TAFA2: variants seen among roughly 807,000 people sequenced by gnomAD.
The protein encoded by TAFA2 is chemokine-like protein TAFA-2.
In TAFA2, 7 loss-of-function variants were observed where a neutral mutation model predicts 18.8. The ratio of observed to expected loss-of-function variants is 0.37; its 90% confidence interval spans 0.21 to 0.70. The LOEUF (loss-of-function observed/expected upper bound fraction) is 0.70. Ranked by LOEUF, TAFA2 falls within the 30% of genes least tolerant of loss-of-function variation. The probability of loss-of-function intolerance (pLI) is 0.53; values close to 1 mark genes in which losing one functional copy is unlikely to be tolerated. For missense variants in TAFA2, 122 were observed against 158.1 expected (o/e 0.77, Z 1.23); for synonymous variants, 60 against 54.2 (o/e 1.11, Z -0.47).
At chr12:61,990,642 A>C (rs1305490896) in intron 1 of TAFA2, among the ~76,000 whole-genome samples, 1 of 151,920 alleles carries the variant, frequency 6.6e-6, no homozygotes, top group Non-Finnish European at 1.5e-5. Context: ...CCACTGTGCC[A>C]ATTTTTGTTA....
At chr12:62,226,438 C>T (rs1474707593) in intron 1 of TAFA2, among the ~76,000 whole-genome samples, 1 of 152,150 alleles carries the variant, frequency 6.6e-6, no homozygotes, top group East Asian at 1.9e-4. Flanking sequence ...ACCTCACGAT[C>T]CACCCTCCTC....
At chr12:62,037,592 T>C (rs1271622047) in intron 1 of TAFA2, among the ~76,000 whole-genome samples, 1 of 152,182 alleles carries the variant, frequency 6.6e-6, no homozygotes, top group Admixed American at 6.5e-5. Flanking sequence ...CAAATACATA[T>C]GCCCACGACC....
In TAFA2 at chr12:61,711,439, T is replaced by C. The variant is rs368647515; in HGVS notation, c.385-1022A>G. On this transcript the variant is annotated intron_variant, in intron 4 of 4. Transcript: ENST00000416284. ...TTAGAGAGTTACCTAACAGTTCTTT[T>C]CTAGGAATGGCTAAAACAAAAAGTG... Among the ~76,000 whole-genome samples the C allele has an allele frequency of 1.1e-4, 16 of 152,206 alleles. No individual in the cohort carries two copies. In the South Asian group the frequency reaches 3.1e-3, roughly 30 times the overall value.
chr12:61,864,602 T>G (rs1215577305), intron 2 of TAFA2, among the ~76,000 whole-genome samples: 10 of 151,074 alleles, frequency 6.6e-5, no homozygotes, highest in Non-Finnish European at 1.5e-4. Flanking sequence ...TGAAACCCCG[T>G]CTCTACTAAA....
intron 2 of TAFA2, among the ~76,000 whole-genome samples, chr12:61,780,403 T>C (rs1412339580): frequency 6.6e-6 from 1 of 151,810 alleles, no homozygotes; most frequent in African/African-American, 2.4e-5. Context: ...CCCCTCTGCC[T>C]GGCTTAACTT....
chr12:61,934,362 G>A (rs1182570596), intron 1 of TAFA2, among the ~76,000 whole-genome samples: 2 of 152,086 alleles, frequency 1.3e-5, no homozygotes, highest in Non-Finnish European at 2.9e-5. Flanking sequence ...AATTCCAGAA[G>A]AACTCAGAAA....
chr12:62,062,648 T>A (rs559852240), intron 1 of TAFA2, among the ~76,000 whole-genome samples: 12 of 152,220 alleles, frequency 7.9e-5, no homozygotes, highest in Non-Finnish European at 1.6e-4. Flanking sequence ...TAAAACAACA[T>A]AAACTTATTA....
chr12:61,760,482 T>C (rs1869495647), intron 2 of TAFA2, among the ~76,000 whole-genome samples: 1 of 151,166 alleles, frequency 6.6e-6, no homozygotes, highest in Non-Finnish European at 1.5e-5. Context: ...TTTAGTTTTC[T>C]TATTTGTCTG....
chr12:62,186,869 T>C (rs1439990341), intron 1 of TAFA2, among the ~76,000 whole-genome samples: 1 of 152,174 alleles, frequency 6.6e-6, no homozygotes, highest in Non-Finnish European at 1.5e-5. Context: ...CCTTATGTTT[T>C]CCAATGGCAA....
chr12:62,116,658 A>G (rs1041916789), intron 1 of TAFA2, among the ~76,000 whole-genome samples: 1 of 148,338 alleles, frequency 6.7e-6, no homozygotes, highest in African/African-American at 2.6e-5. Context: ...TGTGATGTAC[A>G]GACTGTAGGC....
intron 1 of TAFA2, among the ~76,000 whole-genome samples, chr12:61,921,370 T>C (rs1592487666): frequency 6.6e-6 from 1 of 152,096 alleles, no homozygotes; most frequent in African/African-American, 2.4e-5. Flanking sequence ...TAAGGTGAGG[T>C]AGAGCAAGAA....
chr12:62,187,339 C>T (rs927489952), intron 1 of TAFA2, among the ~76,000 whole-genome samples: 2 of 152,174 alleles, frequency 1.3e-5, no homozygotes, highest in South Asian at 2.1e-4. Context: ...TTATAAATGA[C>T]GTTGTCACAC....
intron 2 of TAFA2, among the ~76,000 whole-genome samples, chr12:61,791,168 C>T (rs1383988616): frequency 1.3e-5 from 2 of 151,790 alleles, no homozygotes; most frequent in Non-Finnish European, 2.9e-5. Context: ...GAGAATGAAA[C>T]TGGACATGTA....
intron 1 of TAFA2, among the ~76,000 whole-genome samples, chr12:62,013,619 C>T (rs970254569): frequency 2.6e-5 from 4 of 152,170 alleles, no homozygotes; most frequent in Admixed American, 1.3e-4. Context: ...TCTAATACCA[C>T]AGTGTGAGTA....
In TAFA2 at chr12:61,923,162, G is replaced by A. The variant is rs7136975; in HGVS notation, c.-1-55736C>T. On this transcript the variant is annotated intron_variant, in intron 1 of 4. Coordinates refer to ENST00000416284, the MANE Select transcript of TAFA2 (RefSeq NM_178539.5). ...CACCTGGGGGAAGAGGCGGCTGTAG[G>A]TGCAGCTTCAGCAGATGTTCCTGCC... 1.0e-2 allele frequency among the ~76,000 whole-genome samples: 1,521 copies of A among 152,298 alleles called. 41 individuals are homozygous for A. The highest frequency in any genetic ancestry group is 0.034 in the African/African-American group (1,432 of 41,556).
At chr12:61,939,694 G>C (rs1877917762) in intron 1 of TAFA2, among the ~76,000 whole-genome samples, 1 of 152,122 alleles carries the variant, frequency 6.6e-6, no homozygotes, top group Non-Finnish European at 1.5e-5. Flanking sequence ...ATTATCAAGA[G>C]CATTTTCAAA....
chr12:62,009,486 C>T (rs562177554), intron 1 of TAFA2, among the ~76,000 whole-genome samples: 6 of 152,166 alleles, frequency 3.9e-5, no homozygotes, highest in African/African-American at 1.2e-4. Flanking sequence ...AGATGATTTC[C>T]GATTTGTGTT....
intron 1 of TAFA2, among the ~76,000 whole-genome samples, chr12:61,977,199 G>C (rs559692579): frequency 2.6e-5 from 4 of 152,116 alleles, no homozygotes; most frequent in Admixed American, 1.3e-4. Flanking sequence ...AAAGACTCAA[G>C]TATGCTTTTT....
intron 4 of TAFA2, among the ~76,000 whole-genome samples, chr12:61,748,565 T>C (rs1214966787): frequency 6.6e-6 from 1 of 152,112 alleles, no homozygotes; most frequent in Non-Finnish European, 1.5e-5. Context: ...TCATTTCCCA[T>C]GGGTCTGAAT....
Sources: allele counts gnomAD v4.1 joint callset (sites outside exome capture counted in the v4.1 genomes callset), GRCh38; gene constraint gnomAD v4.1.1; transcripts MANE v1.5; gene names NCBI Gene and HGNC (gene_info 2026-07-23, HGNC 2026-07-21).